Variants in RASEF observed in about 807,000 individuals in gnomAD.
RASEF encodes RAS and EF-hand domain containing.
In RASEF, 68 loss-of-function variants were observed where a neutral mutation model predicts 90.1. The observed-to-expected ratio is 0.75, with a 90% CI of 0.62 to 0.92. RASEF has a LOEUF of 0.92. RASEF is among the 40% of genes least tolerant of loss of function. The probability of loss-of-function intolerance (pLI) is 0.00; values close to 1 mark genes in which losing one functional copy is unlikely to be tolerated. For synonymous variants in RASEF, 331 were observed against 345.2 expected, an observed-to-expected ratio of 0.96 and a Z score of 0.46; for missense variants, 949 against 937.2, an observed-to-expected ratio of 1.01 and a Z score of -0.16.
the RASEF span, among the ~76,000 whole-genome samples, chr9:83,179,146 T>A: frequency 1.3e-5 from 2 of 152,206 alleles, no homozygotes; most frequent in Non-Finnish European, 2.9e-5. Flanking sequence ...GGATATGTGA[T>A]CTTTGAATTT....
chr9:83,077,142 G>T, the RASEF span, among the ~76,000 whole-genome samples: 2 of 152,044 alleles, frequency 1.3e-5, no homozygotes, highest in Non-Finnish European at 2.9e-5. Context: ...AAACAATGAG[G>T]GCTTATGAAG....
chr9:83,062,618 C>G lies in RASEF; in HGVS notation c.250G>C (p.Gly84Arg). The change falls in exon 1 of 17, where the codon GGT (glycine) becomes CGT (arginine). Residue 84 changes from glycine (G) to arginine (R), a missense_variant. Around this residue, in one of 3 missense-constraint regions of RASEF, gnomAD observed 656 missense variants for 592.2 expected, o/e 1.11. Transcript: ENST00000376447. The stretch of plus-strand genomic sequence containing the variant: ...ACGGCGGGCGCGGGATCCAGAGGAC[C>G]CCAGTCCCGGCGCCGCCCCCCGCGG... ...SLRGGRRRDWGPLDPAPAVSE... is the reference protein window; with the variant it reads ...SLRGGRRRDWRPLDPAPAVSE... The G allele has an allele frequency of 6.4e-7, 1 of 1,557,420 alleles. No homozygotes were observed. The highest frequency in any genetic ancestry group is 1.2e-5 in the South Asian group (1 of 86,024).
chr9:83,148,904 T>A, the RASEF span, among the ~76,000 whole-genome samples: 1 of 152,208 alleles, frequency 6.6e-6, no homozygotes, highest in African/African-American at 2.4e-5. Context: ...AAAGTGGTAA[T>A]GCTGAGTGCC....
At chr9:83,212,674 C>A in the RASEF span, among the ~76,000 whole-genome samples, 1 of 152,206 alleles carries the variant, frequency 6.6e-6, no homozygotes, top group African/African-American at 2.4e-5. Flanking sequence ...TAAGCTTTGC[C>A]TCCCAGCTCC....
rs1466133042 is a variant in RASEF, at chr9:83,062,688, G to A, written c.180C>T (p.Gly60=). ...VFQRLDADRD[G]AITFQEFARG... ...GCGCGAACTCCTGGAAGGTGATGGCGCCGTCACGGTCGGCGTCCAGCCGCT... is the reference window on the plus strand; with the variant it reads ...GCGCGAACTCCTGGAAGGTGATGGCACCGTCACGGTCGGCGTCCAGCCGCT... The change falls in exon 1 of 17, where the codon GGC becomes GGT. Residue 60 remains glycine, a synonymous_variant. Coordinates refer to ENST00000376447, the MANE Select transcript of RASEF (RefSeq NM_152573.4). The A allele has an allele frequency of 1.9e-6, 3 of 1,574,806 alleles. No individual in the cohort carries two copies. Among genetic ancestry groups the A allele is most frequent in the Admixed American group, 1.8e-5 (1 of 56,780 alleles).
At chr9:83,177,368 TATA>T in the RASEF span, among the ~76,000 whole-genome samples, 1 of 152,154 alleles carries the variant, frequency 6.6e-6, no homozygotes, top group Admixed American at 6.5e-5. Flanking sequence ...TAGTATTTCT[TATA>T]AGGTGGATTT....
At chr9:83,165,629 A>T in the RASEF span, among the ~76,000 whole-genome samples, 2 of 152,128 alleles carry the variant, frequency 1.3e-5, no homozygotes, top group African/African-American at 4.8e-5. Flanking sequence ...AAAGTAAGGA[A>T]AACACACGAA....
the RASEF span, among the ~76,000 whole-genome samples, chr9:83,149,168 C>T: frequency 6.6e-6 from 1 of 152,194 alleles, no homozygotes; most frequent in South Asian, 2.1e-4. Context: ...TCCCAGGTGT[C>T]CTCTTATTGG....
At chr9:83,168,252 T>A in the RASEF span, among the ~76,000 whole-genome samples, 4 of 152,200 alleles carry the variant, frequency 2.6e-5, no homozygotes, top group Admixed American at 2.0e-4. Flanking sequence ...ACTTTGATGT[T>A]TAATGATATG....
the RASEF span, among the ~76,000 whole-genome samples, chr9:83,185,623 C>T: frequency 6.6e-6 from 1 of 152,144 alleles, no homozygotes; most frequent in African/African-American, 2.4e-5. Context: ...ACAAAACACA[C>T]ATGAATGTTC....
chr9:83,048,610 A>C, intron 1 of RASEF: 2 of 985,448 alleles, frequency 2.0e-6, no homozygotes, highest in Non-Finnish European at 2.4e-6. Context: ...AAAAAGGGCG[A>C]GAAGAGTTTC....
the RASEF span, among the ~76,000 whole-genome samples, chr9:83,197,429 G>C: frequency 6.6e-6 from 1 of 152,286 alleles, no homozygotes; most frequent in South Asian, 2.1e-4. Flanking sequence ...CATTGCTTTA[G>C]ACCCTGGGGA....
chr9:83,124,859 TG>T, the RASEF span, among the ~76,000 whole-genome samples: 1 of 152,146 alleles, frequency 6.6e-6, no homozygotes, highest in African/African-American at 2.4e-5. Context: ...AACTCTAGGA[TG>T]CATTCCAAAC....
the RASEF span, among the ~76,000 whole-genome samples, chr9:83,124,256 A>G: frequency 3.3e-5 from 5 of 152,298 alleles, no homozygotes; most frequent in East Asian, 9.6e-4. Context: ...TGCTATGAAC[A>G]TGGGTGTATG....
At chr9:83,157,686 T>G in the RASEF span, among the ~76,000 whole-genome samples, 1 of 152,234 alleles carries the variant, frequency 6.6e-6, no homozygotes, top group Admixed American at 6.5e-5. Flanking sequence ...ACAATTATTT[T>G]ATTATTTGAT....
chr9:83,143,365 A>C, the RASEF span, among the ~76,000 whole-genome samples: 2 of 152,178 alleles, frequency 1.3e-5, no homozygotes, highest in African/African-American at 4.8e-5. Context: ...TCTATAAGGA[A>C]CTTAAAGCAA....
At chr9:83,025,455 T>C (rs142204834) in intron 2 of RASEF, among the ~76,000 whole-genome samples, 4 of 152,322 alleles carry the variant, frequency 2.6e-5, no homozygotes, top group South Asian at 2.1e-4. Context: ...AGGCTTCAAA[T>C]AGTGTTCCAT....
intron 1 of RASEF, chr9:83,048,234 T>C (rs1362553202): frequency 4.1e-6 from 4 of 985,186 alleles, no homozygotes; most frequent in Non-Finnish European, 4.8e-6. Flanking sequence ...GTCCTATTGA[T>C]GCTGGACTAC....
At chr9:83,002,109 T>G (rs1217213033) in intron 9 of RASEF, among the ~76,000 whole-genome samples, 2 of 152,150 alleles carry the variant, frequency 1.3e-5, no homozygotes, top group Non-Finnish European at 2.9e-5. Flanking sequence ...TTATGACTTA[T>G]TTACCACCCA....
Sources: gnomAD v4.1 joint callset for allele counts (sites outside exome capture counted in the v4.1 genomes callset) on GRCh38, gnomAD v4.1.1 for gene constraint, gnomAD v4.1.1 regional missense constraint, MANE v1.5 for transcripts, NCBI Gene and HGNC (gene_info 2026-07-23, HGNC 2026-07-21) for gene names.